Variants in THRB observed in about 807,000 individuals in gnomAD.
THRB encodes the protein nuclear receptor subfamily 1 group A member 2.
In THRB, 12 loss-of-function variants were observed where a neutral mutation model predicts 47.8. The ratio of observed to expected loss-of-function variants is 0.25; its 90% CI spans 0.16 to 0.41. The LOEUF is 0.41. THRB is among the 10% of genes least tolerant of loss of function. THRB has a pLI of 1.00. For synonymous variants in THRB, 218 were observed against 212.2 expected (o/e 1.03, Z -0.24); for missense variants, 348 against 589.2 (o/e 0.59, Z 4.24).
At chr3:24,350,898 G>A (rs1466241883) in intron 1 of THRB, among the ~76,000 whole-genome samples, 1 of 152,028 alleles carries the variant, frequency 6.6e-6, no homozygotes, top group East Asian at 1.9e-4. Context: ...ACATGTGGCA[G>A]GGAACAGTGA....
At chr3:24,291,172 A>G (rs1417883602) in intron 3 of THRB, among the ~76,000 whole-genome samples, 1 of 152,214 alleles carries the variant, frequency 6.6e-6, no homozygotes, top group African/African-American at 2.4e-5. Flanking sequence ...TTAGAAGCCA[A>G]GTTGTACTTG....
chr3:24,465,593 G>A (rs1241760862), intron 1 of THRB, among the ~76,000 whole-genome samples: 1 of 152,076 alleles, frequency 6.6e-6, no homozygotes, highest in Non-Finnish European at 1.5e-5. Flanking sequence ...TAGTAGAGAT[G>A]GGGTTTCACC....
intron 9 of THRB, among the ~76,000 whole-genome samples, chr3:24,130,691 A>G (rs958042584): frequency 2.6e-5 from 4 of 152,156 alleles, no homozygotes; most frequent in Admixed American, 6.5e-5. Flanking sequence ...TGCAGATGTG[A>G]GAGTGCACAT....
intron 1 of THRB, among the ~76,000 whole-genome samples, chr3:24,389,119 G>T (rs191720558): frequency 6.6e-6 from 1 of 152,112 alleles, no homozygotes; most frequent in Non-Finnish European, 1.5e-5. Context: ...TCTCTCCTTC[G>T]CAGAAAGCAT....
intron 3 of THRB, among the ~76,000 whole-genome samples, chr3:24,247,015 C>T (rs151182061): frequency 1.1e-4 from 17 of 152,256 alleles, no homozygotes; most frequent in South Asian, 6.2e-4. Context: ...AGAAATATTG[C>T]GGATCCCATA....
chr3:24,203,585 C>A (rs554062067), intron 4 of THRB, among the ~76,000 whole-genome samples: 49 of 152,294 alleles, frequency 3.2e-4, no homozygotes, highest in African/African-American at 1.2e-3. Context: ...ATGAGCGACG[C>A]AGAAGATGGG....
chr3:24,459,294 T>A (rs990866171), intron 1 of THRB: 6 of 152,234 alleles, frequency 3.9e-5, no homozygotes, highest in Non-Finnish European at 8.8e-5. Flanking sequence ...GGACATGAAC[T>A]CATCCTTTTT....
chr3:24,131,525 G>C (rs565011877), intron 9 of THRB, among the ~76,000 whole-genome samples: 21 of 152,188 alleles, frequency 1.4e-4, no homozygotes, highest in Non-Finnish European at 2.6e-4. Flanking sequence ...AGGTACCCTG[G>C]TGCTATAGAC....
Position 24,121,104 on chromosome 3 carries a change from T to G in THRB, c.*1780A>C, listed in dbSNP as rs914503665. The G allele has an allele frequency of 6.6e-6, 1 of 151,336 alleles. No individual in the cohort carries two copies. The highest frequency in any genetic ancestry group is 2.1e-4 in the South Asian group (1 of 4,812). The allele number at this position is 151,336 out of a possible 1,614,324, so 9.4% of individuals were successfully genotyped here. ...TGTCTAATAAAGTTAGGAATTTAAG[T>G]GTTAAAAAAAAATAATTAAAGGAAC... On this transcript the variant is annotated 3_prime_UTR_variant, in exon 11 of 11. Transcript: ENST00000646209.
At chr3:24,335,945 G>A (rs1019622659) in intron 2 of THRB, among the ~76,000 whole-genome samples, 2 of 152,134 alleles carry the variant, frequency 1.3e-5, no homozygotes, top group African/African-American at 4.8e-5. Context: ...AAGAGGCTGG[G>A]GACTGGGGTT....
intron 1 of THRB, among the ~76,000 whole-genome samples, chr3:24,376,918 C>T (rs1034349431): frequency 2.6e-5 from 4 of 151,986 alleles, no homozygotes; most frequent in Non-Finnish European, 5.9e-5. Flanking sequence ...CTGTTTCTGC[C>T]TGCCCAAAAT....
chr3:24,344,898 A>C (rs780560781), intron 1 of THRB, among the ~76,000 whole-genome samples: 2 of 152,156 alleles, frequency 1.3e-5, no homozygotes, highest in African/African-American at 2.4e-5. Context: ...ACACTACTGA[A>C]GCAAAATGAC....
intron 4 of THRB, among the ~76,000 whole-genome samples, chr3:24,220,751 T>G (rs1014111765): frequency 5.4e-5 from 8 of 149,174 alleles, no homozygotes; most frequent in Admixed American, 5.3e-4. Flanking sequence ...ACATCTTCCT[T>G]GGAAATGCAG....
intron 4 of THRB, among the ~76,000 whole-genome samples, chr3:24,221,051 A>G (rs550485297): frequency 6.6e-6 from 1 of 152,188 alleles, no homozygotes; most frequent in East Asian, 1.9e-4. Context: ...GGCATTCCAC[A>G]CTAGTTTCCT....
intron 1 of THRB, among the ~76,000 whole-genome samples, chr3:24,347,863 T>G (rs1185345824): frequency 3.3e-5 from 5 of 152,154 alleles, no homozygotes; most frequent in African/African-American, 1.2e-4. Context: ...TCTCTGGGCC[T>G]AAACTGCTGG....
chr3:24,355,879 T>G (rs762759341), intron 1 of THRB, among the ~76,000 whole-genome samples: 12 of 152,188 alleles, frequency 7.9e-5, no homozygotes, highest in Non-Finnish European at 1.6e-4. Flanking sequence ...ATTAGCTATA[T>G]GAAAAATACC....
At chr3:24,293,662 T>C (rs1483513216) in intron 3 of THRB, among the ~76,000 whole-genome samples, 1 of 152,200 alleles carries the variant, frequency 6.6e-6, no homozygotes, top group East Asian at 1.9e-4. Context: ...ATTCAGTTCA[T>C]TCAAATGGAA....
intron 10 of THRB, among the ~76,000 whole-genome samples, chr3:24,125,301 C>T (rs2032541809): frequency 6.6e-6 from 1 of 152,196 alleles, no homozygotes; most frequent in Non-Finnish European, 1.5e-5. Context: ...AGGTAAGTGT[C>T]AAGAGAGGTG....
intron 1 of THRB, among the ~76,000 whole-genome samples, chr3:24,377,858 G>A (rs1204208813): frequency 6.6e-6 from 1 of 151,934 alleles, no homozygotes; most frequent in Non-Finnish European, 1.5e-5. Context: ...ATGAAATAAG[G>A]GACTTTCCAC....
Sources: gnomAD v4.1 joint callset for allele counts (sites outside exome capture counted in the v4.1 genomes callset) on GRCh38, gnomAD v4.1.1 for gene constraint, MANE v1.5 for transcripts, NCBI Gene and HGNC (gene_info 2026-07-23, HGNC 2026-07-21) for gene names.